KIF15: variants seen among roughly 807,000 people sequenced by gnomAD.
KIF15 encodes kinesin-like protein KIF15.
A neutral mutation model predicts 190.6 loss-of-function variants in KIF15; 140 were observed. The ratio of observed to expected loss-of-function variants is 0.73; its 90% CI spans 0.64 to 0.84. The LOEUF is 0.84. KIF15 is among the 40% of genes least tolerant of loss of function. The pLI, the probability that KIF15 is intolerant of heterozygous loss-of-function variation, is 0.00. For synonymous variants in KIF15, 528 were observed against 551.3 expected (o/e 0.96, Z 0.59); for missense variants, 1,372 against 1,584.4 (o/e 0.87, Z 2.28).
chr3:44,800,502 G>T, intron 11 of KIF15, 65 bp downstream of exon 11: 1 of 1,556,750 alleles, frequency 6.4e-7, no homozygotes, highest in Non-Finnish European at 8.7e-7. Flanking sequence ...AAGAGCCCTT[G>T]GTGATAGACA....
At chr3:44,776,967 G>A (rs1353661372) in intron 3 of KIF15, among the ~76,000 whole-genome samples, 1 of 150,342 alleles carries the variant, frequency 6.7e-6, no homozygotes, top group Non-Finnish European at 1.5e-5. Context: ...TATAACTGAT[G>A]GCTACTATAC....
intron 32 of KIF15, among the ~76,000 whole-genome samples, chr3:44,849,050 C>T (rs1246971891): frequency 6.6e-6 from 1 of 152,190 alleles, no homozygotes; most frequent in Admixed American, 6.5e-5. Context: ...GCAAGGTGTA[C>T]TATATTTTCT....
chr3:44,804,216 G>A (rs2125643065), intron 14 of KIF15, among the ~76,000 whole-genome samples: 1 of 152,046 alleles, frequency 6.6e-6, no homozygotes, highest in East Asian at 1.9e-4. Flanking sequence ...ATTTTGTTGT[G>A]GCCTCCATAA....
intron 4 of KIF15, among the ~76,000 whole-genome samples, chr3:44,778,967 G>A (rs1480797462): frequency 3.5e-5 from 4 of 115,846 alleles, no homozygotes; most frequent in South Asian, 3.2e-4. Context: ...GTGACAGGGC[G>A]AGACTCCGCC....
intron 14 of KIF15, 26 bp from the exon 15 acceptor site, chr3:44,805,001 G>C: frequency 6.7e-7 from 1 of 1,500,242 alleles, no homozygotes; most frequent in Non-Finnish European, 8.9e-7. Flanking sequence ...AAAAAAAAAA[G>C]ACTGAGATTG....
chr3:44,860,311 G>A (rs533881313), intron 6 of KIF15, among the ~76,000 whole-genome samples: 1 of 152,254 alleles, frequency 6.6e-6, no homozygotes, highest in East Asian at 1.9e-4. Flanking sequence ...TGAGACCTCT[G>A]AGCCTCAATT....
chr3:44,862,158 C>A (rs1024393460), intron 6 of KIF15: 32 of 61,084 alleles, frequency 5.2e-4, no homozygotes, highest in Admixed American at 7.5e-4. Flanking sequence ...TGCGGGCGGG[C>A]GGGCGGGGCG....
rs145082693 is a variant in KIF15 at position 44,770,129 on chromosome 3, G to T, written c.20-4266G>T. Among the ~76,000 whole-genome samples the T allele has an allele frequency of 3.8e-3, 575 of 152,298 alleles. 4 individuals are homozygous for T. The highest frequency in any genetic ancestry group is 0.013 in the African/African-American group (531 of 41,564). On this transcript the variant is annotated intron_variant, in intron 1 of 34. Transcript: ENST00000326047. ...TTTAAACGAACTAGGCAAAAAACTT[G>T]AAAACAACTAGTGGGTCTAGAATTT...
At chr3:44,778,222 T>C (rs753480177) in intron 4 of KIF15, 31 bp downstream of exon 4, 6 of 1,492,476 alleles carry the variant, frequency 4.0e-6, no homozygotes, top group Non-Finnish European at 4.7e-6. Flanking sequence ...TTATACATAG[T>C]ACATGCTTGA....
intron 7 of KIF15, among the ~76,000 whole-genome samples, chr3:44,792,579 C>G (rs2125925133): frequency 6.8e-6 from 1 of 147,980 alleles, no homozygotes; most frequent in African/African-American, 2.5e-5. Flanking sequence ...GAGACAGAGT[C>G]TCTGTTGCCC....
chr3:44,833,052 A>C (rs1698148348), intron 26 of KIF15, among the ~76,000 whole-genome samples: 1 of 151,594 alleles, frequency 6.6e-6, no homozygotes, highest in Non-Finnish European at 1.5e-5. Context: ...GACAACAAAA[A>C]TTAGAATAAA....
intron 6 of KIF15, chr3:44,862,075 G>A (rs1699260380): frequency 1.6e-6 from 2 of 1,218,164 alleles, no homozygotes; most frequent in Non-Finnish European, 2.1e-6. Context: ...CGCGTTCGGG[G>A]CCCTGGCCGC....
downstream of KIF15, among the ~76,000 whole-genome samples, chr3:44,855,883 T>C (rs1269927821): frequency 6.6e-5 from 10 of 152,120 alleles, no homozygotes; most frequent in Non-Finnish European, 1.5e-4. Context: ...GATTGGTTGG[T>C]TGGTGAGTTT....
intron 5 of KIF15, among the ~76,000 whole-genome samples, chr3:44,784,276 A>T (rs1278480174): frequency 6.6e-6 from 1 of 151,940 alleles, no homozygotes; most frequent in East Asian, 1.9e-4. Context: ...GGTTCACGCC[A>T]TTCTCCTGCC....
At chr3:44,819,807 C>A (rs1313620617) in intron 20 of KIF15, among the ~76,000 whole-genome samples, 4 of 152,086 alleles carry the variant, frequency 2.6e-5, no homozygotes, top group African/African-American at 9.7e-5. Flanking sequence ...CCTTGTTAAC[C>A]TTCTGTCTCA....
chr3:44,805,588 T>A (rs1356308155), intron 15 of KIF15, among the ~76,000 whole-genome samples: 1 of 152,222 alleles, frequency 6.6e-6, no homozygotes, highest in Non-Finnish European at 1.5e-5. Flanking sequence ...AAATGACATA[T>A]CACATATGGT....
rs868253114 is a variant in KIF15 at position 44,812,985 on chromosome 3, A to T, written c.2278-90A>T. 47 of 206,006 alleles carry T rather than the reference A, an allele frequency of 2.3e-4. No individual in the cohort carries two copies. The South Asian group carries it at 5.1e-3, about 23-fold the overall frequency. 12.8% of individuals were successfully genotyped at this position (206,006 alleles called of 1,614,324 possible). ...GGGTGACAGAGCAAGACTCTGTCTCAAAAAAAAAAAAAGAAACAGGTTAAT... is the reference window on the plus strand; with the variant it reads ...GGGTGACAGAGCAAGACTCTGTCTCTAAAAAAAAAAAAGAAACAGGTTAAT... On this transcript the variant is annotated intron_variant, in intron 18 of 34. Transcript: ENST00000326047.
At chr3:44,862,189 G>T in intron 6 of KIF15, 1 of 1,010,316 alleles carries the variant, frequency 9.9e-7, no homozygotes, top group Non-Finnish European at 1.2e-6. Context: ...GAGGAGGGGC[G>T]CTGCGGGGCC....
At chr3:44,763,043 G>T (rs1244746865) in intron 1 of KIF15, among the ~76,000 whole-genome samples, 2 of 152,166 alleles carry the variant, frequency 1.3e-5, no homozygotes, top group Non-Finnish European at 2.9e-5. Context: ...GTGACTGAGG[G>T]CTCTTGTCTG....
Sources: allele counts gnomAD v4.1 joint callset (sites outside exome capture counted in the v4.1 genomes callset), GRCh38; gene constraint gnomAD v4.1.1; transcripts MANE v1.5; gene names NCBI Gene and HGNC (gene_info 2026-07-23, HGNC 2026-07-21).